The following KCTD1 variants were observed in gnomAD, a reference collection of about 807,000 sequenced individuals.
KCTD1 encodes potassium channel tetramerization domain containing 1, also known as BTB/POZ domain-containing protein KCTD1.
In KCTD1, 24 loss-of-function variants were observed where a neutral mutation model predicts 66.0. That is an observed-to-expected ratio of 0.36 (90% CI 0.26 to 0.51). The LOEUF (loss-of-function observed/expected upper bound fraction) is 0.51. Among genes scored for constraint, KCTD1 ranks in the 20% least tolerant of loss-of-function variants. The pLI, the probability that KCTD1 is intolerant of heterozygous loss-of-function variation, is 0.95. For missense variants in KCTD1, 943 were observed against 1,205.2 expected (o/e 0.78, Z 3.22); for synonymous variants, 511 against 517.2 (o/e 0.99, Z 0.16).
Position 26,459,634 on chromosome 18 carries a change from G to T in KCTD1, c.2425C>A (p.Leu809Ile). 6.3e-7 allele frequency: 1 copy of T among 1,597,192 alleles called. No individual in the cohort carries two copies. The stretch of plus-strand genomic sequence containing the variant: ...CAATGCTATACCTGGACTGAGTTGA[G>T]GTGACAGTAGCCATTTAGTGGAAAC... Reference protein sequence around the residue: ...IRFPLNGYCHLNSVQVLERLQ... With the variant: ...IRFPLNGYCHINSVQVLERLQ... Residue 809 changes from leucine to isoleucine, a missense_variant, in exon 4 of 5, where the codon CTC (leucine) becomes ATC (isoleucine). By Grantham distance (5) the Leu-to-Ile change is conservative. Coordinates refer to ENST00000580059, the MANE Select transcript of KCTD1 (RefSeq NM_001142730.3).
At position 26,486,349 on chromosome 18, in the gene KCTD1, T is replaced by A. The variant is rs534661170; in HGVS notation, c.1989-9690A>T. 9.2e-5 allele frequency among the ~76,000 whole-genome samples: 14 copies of A among 152,356 alleles called. No individual in the cohort carries two copies. In the South Asian group the frequency reaches 1.5e-3, roughly 16 times the overall value. The stretch of plus-strand genomic sequence containing the variant: ...TCCCTGAAGAGTGAGGGCCAGCACA[T>A]GCTCGATGCTGTCCCCGACTCACAG... On this transcript the variant is annotated intron_variant, in intron 2 of 4. Transcript: ENST00000580059.
chr18:26,631,143 G>T (rs1259424168), upstream of KCTD1, among the ~76,000 whole-genome samples: 4 of 152,158 alleles, frequency 2.6e-5, no homozygotes, highest in African/African-American at 7.2e-5. Flanking sequence ...AAATAGAACA[G>T]AATCAAGCAC....
intron 1 of KCTD1, among the ~76,000 whole-genome samples, chr18:26,623,441 A>C (rs1987432483): frequency 6.6e-6 from 1 of 152,180 alleles, no homozygotes; most frequent in Non-Finnish European, 1.5e-5. Flanking sequence ...TCATGGGGGC[A>C]GTTACCCCCA....
intron 1 of KCTD1, among the ~76,000 whole-genome samples, chr18:26,507,805 G>A (rs1199827975): frequency 6.6e-6 from 1 of 152,072 alleles, no homozygotes; most frequent in South Asian, 2.1e-4. Context: ...GTATTTACAT[G>A]AAGTGACAGG....
chr18:26,513,377 G>A (rs1347337314), intron 1 of KCTD1, among the ~76,000 whole-genome samples: 2 of 152,116 alleles, frequency 1.3e-5, no homozygotes, highest in Non-Finnish European at 2.9e-5. Context: ...GTGAGCCACC[G>A]CGCCCGGCCT....
At chr18:26,531,205 A>G (rs2144775362) in intron 1 of KCTD1, among the ~76,000 whole-genome samples, 1 of 152,310 alleles carries the variant, frequency 6.6e-6, no homozygotes, top group African/African-American at 2.4e-5. Flanking sequence ...ATAAAATAAA[A>G]TGAAACAGTG....
intron 1 of KCTD1, among the ~76,000 whole-genome samples, chr18:26,604,184 G>A (rs1206187649): frequency 3.3e-5 from 5 of 152,192 alleles, no homozygotes; most frequent in South Asian, 2.1e-4. Flanking sequence ...CTGATCATTA[G>A]AGAAATGCAA....
chr18:26,577,908 A>G (rs1315834322), intron 1 of KCTD1, among the ~76,000 whole-genome samples: 2 of 152,022 alleles, frequency 1.3e-5, no homozygotes, highest in Admixed American at 6.6e-5. Context: ...CATAAATACA[A>G]TGGTGTCTGT....
chr18:26,511,428 T>C (rs16942380), intron 1 of KCTD1, among the ~76,000 whole-genome samples: 1 of 152,096 alleles, frequency 6.6e-6, no homozygotes, highest in African/African-American at 2.4e-5. Context: ...TCTAAAACAT[T>C]GCAAGAGCAA....
chr18:26,621,394 C>A (rs1409598455), intron 1 of KCTD1, among the ~76,000 whole-genome samples: 1 of 152,090 alleles, frequency 6.6e-6, no homozygotes, highest in African/African-American at 2.4e-5. Context: ...CTCGGCACTT[C>A]CTAGTTGTTC....
At chr18:26,493,935 A>G (rs1348791352) in intron 2 of KCTD1, among the ~76,000 whole-genome samples, 1 of 152,082 alleles carries the variant, frequency 6.6e-6, no homozygotes, top group Non-Finnish European at 1.5e-5. Flanking sequence ...ATCACTACTC[A>G]CTGAAACCTT....
At chr18:26,641,574 C>T (rs367992661), upstream of KCTD1, among the ~76,000 whole-genome samples, 43 of 152,098 alleles carry the variant, frequency 2.8e-4, 2 homozygotes, top group South Asian at 8.7e-3. Flanking sequence ...CAGTAAGCCT[C>T]CCACCCCTCT....
intron 1 of KCTD1, among the ~76,000 whole-genome samples, chr18:26,542,101 C>A (rs536844833): frequency 1.3e-5 from 2 of 152,254 alleles, no homozygotes; most frequent in South Asian, 4.2e-4. Flanking sequence ...CTCCTCTCTG[C>A]AGCACTTAGC....
At chr18:26,562,659 A>G (rs2144880206) in intron 1 of KCTD1, among the ~76,000 whole-genome samples, 1 of 152,326 alleles carries the variant, frequency 6.6e-6, no homozygotes, top group South Asian at 2.1e-4. Flanking sequence ...TATTAACAAA[A>G]TACTATAGAC....
At chr18:26,640,889 T>C (rs999367190), upstream of KCTD1, among the ~76,000 whole-genome samples, 2 of 152,106 alleles carry the variant, frequency 1.3e-5, no homozygotes, top group South Asian at 2.1e-4. Flanking sequence ...CGGAGGAAGC[T>C]TGGGGACACA....
At chr18:26,610,450 T>C (rs1158809508) in intron 1 of KCTD1, among the ~76,000 whole-genome samples, 1 of 152,124 alleles carries the variant, frequency 6.6e-6, no homozygotes, top group Non-Finnish European at 1.5e-5. Flanking sequence ...TGATGGCACA[T>C]GCCTGTAGTC....
intron 2 of KCTD1, among the ~76,000 whole-genome samples, chr18:26,484,801 G>A (rs1381787225): frequency 1.3e-5 from 2 of 152,192 alleles, no homozygotes; most frequent in African/African-American, 4.8e-5. Flanking sequence ...TCCTGCTGGA[G>A]GCAATGACTC....
intron 1 of KCTD1, among the ~76,000 whole-genome samples, chr18:26,626,886 G>T (rs1940616510): frequency 6.6e-6 from 1 of 152,184 alleles, no homozygotes; most frequent in Non-Finnish European, 1.5e-5. Context: ...AAATTGCCTG[G>T]TGGATTACAA....
intron 1 of KCTD1, among the ~76,000 whole-genome samples, chr18:26,628,822 C>T (rs1394794814): frequency 6.6e-6 from 1 of 152,200 alleles, no homozygotes; most frequent in East Asian, 1.9e-4. Context: ...TCAACCAGAA[C>T]TGCAGAGTCT....
Sources: allele counts gnomAD v4.1 joint callset (sites outside exome capture counted in the v4.1 genomes callset), GRCh38; gene constraint gnomAD v4.1.1; transcripts MANE v1.5; gene names NCBI Gene and HGNC (gene_info 2026-07-23, HGNC 2026-07-21).